JAK2: variants seen among roughly 807,000 people sequenced by gnomAD.
JAK2 encodes Janus kinase 2.
JAK2 carries 86 observed loss-of-function variants against 139.3 expected under a neutral mutation model. That is an observed-to-expected ratio of 0.62 (90% confidence interval 0.52 to 0.74). The LOEUF (loss-of-function observed/expected upper bound fraction) is 0.74. Among genes scored for constraint, JAK2 ranks in the 30% least tolerant of loss-of-function variants. The pLI is 0.00. For synonymous variants in JAK2, 490 were observed against 437.7 expected (o/e 1.12, Z -1.49); for missense variants, 1,421 against 1,360.3 (o/e 1.04, Z -0.70).
intron 3 of JAK2, among the ~76,000 whole-genome samples, chr9:5,025,496 T>A (rs553212982): frequency 6.6e-6 from 1 of 152,086 alleles, no homozygotes; most frequent in African/African-American, 2.4e-5. Flanking sequence ...TGCTCCTTCT[T>A]TCTTTTCTTC....
At chr9:5,051,025 C>A (rs1478282749) in intron 6 of JAK2, among the ~76,000 whole-genome samples, 194 bp downstream of exon 6, 2 of 152,130 alleles carry the variant, frequency 1.3e-5, no homozygotes, top group Non-Finnish European at 2.9e-5. Flanking sequence ...ATTGAACTTA[C>A]CAGTTGAGCA....
intron 22 of JAK2, among the ~76,000 whole-genome samples, chr9:5,093,716 A>T (rs1820760265): frequency 6.6e-6 from 1 of 152,190 alleles, no homozygotes; most frequent in Non-Finnish European, 1.5e-5. Flanking sequence ...TTTGATCAAC[A>T]GAACAAGTTA....
rs756419929 is a variant in JAK2, at chr9:5,126,293, A to G, written c.3178-40A>G. 7 of 1,414,762 alleles carry G rather than the reference A, an allele frequency of 4.9e-6. No individual in the cohort carries two copies. The African/African-American group carries it at 1.0e-4, about 20-fold the overall frequency. The allele number at this position is 1,414,762 out of a possible 1,614,324, so 87.6% of individuals were successfully genotyped here. On this transcript the variant is annotated intron_variant, in intron 23 of 24. Transcript: ENST00000381652. ...AAATTGAGAAAGAATTTTGCTACAAATTAAATGTACAAAAAATATTGAAAG... is the reference window on the plus strand; with the variant it reads ...AAATTGAGAAAGAATTTTGCTACAAGTTAAATGTACAAAAAATATTGAAAG...
intron 5 of JAK2, 35 bp from the exon 6 acceptor site, chr9:5,050,651 A>T (rs1817351924): frequency 6.3e-7 from 1 of 1,583,696 alleles, no homozygotes; most frequent in Admixed American, 1.7e-5. Flanking sequence ...AATGAAACTT[A>T]CGATGAGATA....
chr9:5,093,668 C>G (rs952131681), intron 22 of JAK2, among the ~76,000 whole-genome samples: 4 of 152,142 alleles, frequency 2.6e-5, no homozygotes, highest in African/African-American at 4.8e-5. Flanking sequence ...ACTAAGACCA[C>G]AGTAGTCTAA....
At chr9:5,055,472 T>A (rs892810491) in intron 7 of JAK2, among the ~76,000 whole-genome samples, 197 bp from the exon 8 acceptor site, 2 of 152,030 alleles carry the variant, frequency 1.3e-5, no homozygotes, top group African/African-American at 4.8e-5. Flanking sequence ...TTTAATGCCC[T>A]CATTTTTAAG....
At chr9:5,114,333 G>C in intron 22 of JAK2, 1 of 537,260 alleles carries the variant, frequency 1.9e-6, no homozygotes, top group Non-Finnish European at 3.7e-6. Context: ...TGTGGCTCAG[G>C]TCATCCTAAG....
intron 19 of JAK2, among the ~76,000 whole-genome samples, chr9:5,086,711 C>T (rs868261719): frequency 6.6e-6 from 1 of 152,156 alleles, no homozygotes; most frequent in Non-Finnish European, 1.5e-5. Context: ...CCTGAAATCT[C>T]CCTGTCTGAC....
chr9:5,053,822 C>T, intron 6 of JAK2, among the ~76,000 whole-genome samples: 1 of 151,800 alleles, frequency 6.6e-6, no homozygotes, highest in East Asian at 1.9e-4. Flanking sequence ...GAAAGGCTTC[C>T]TGGATTAGAT....
At chr9:5,103,694 G>A (rs1161009340) in intron 22 of JAK2, among the ~76,000 whole-genome samples, 2 of 152,028 alleles carry the variant, frequency 1.3e-5, no homozygotes, top group African/African-American at 2.4e-5. Context: ...AAACGTAAAA[G>A]AACAGATATC....
chr9:5,047,093 T>C (rs1407975476), intron 5 of JAK2, among the ~76,000 whole-genome samples: 2 of 152,206 alleles, frequency 1.3e-5, no homozygotes, highest in East Asian at 3.8e-4. Flanking sequence ...GTCTAGATAG[T>C]ACCACAAGCA....
intron 4 of JAK2, among the ~76,000 whole-genome samples, chr9:5,042,999 G>A (rs1195022981): frequency 6.6e-6 from 1 of 152,230 alleles, no homozygotes; most frequent in Non-Finnish European, 1.5e-5. Flanking sequence ...GGGTGGGCCG[G>A]CTGGCGTCGC....
intron 5 of JAK2, among the ~76,000 whole-genome samples, chr9:5,046,002 C>T (rs750941176): frequency 6.6e-6 from 1 of 152,078 alleles, no homozygotes; most frequent in African/African-American, 2.4e-5. Flanking sequence ...TCAGTCCTAC[C>T]AGCAGTGCAC....
chr9:5,075,240 A>T (rs1289272728), intron 14 of JAK2, among the ~76,000 whole-genome samples: 1 of 152,238 alleles, frequency 6.6e-6, no homozygotes, highest in East Asian at 1.9e-4. Context: ...ACAGCAAGTT[A>T]TCCAGAAGAT....
intron 4 of JAK2, among the ~76,000 whole-genome samples, chr9:5,035,168 C>G (rs1345304415): frequency 6.6e-6 from 1 of 152,124 alleles, no homozygotes; most frequent in Non-Finnish European, 1.5e-5. Flanking sequence ...ATACACCCTC[C>G]CAAGACTAAA....
At chr9:5,036,633 T>A (rs923329890) in intron 4 of JAK2, among the ~76,000 whole-genome samples, 1 of 152,208 alleles carries the variant, frequency 6.6e-6, no homozygotes, top group Non-Finnish European at 1.5e-5. Context: ...ATTTAATAAA[T>A]GGTGCTGGGA....
intron 4 of JAK2, among the ~76,000 whole-genome samples, chr9:5,032,498 G>A (rs1005859030): frequency 1.3e-5 from 2 of 152,242 alleles, no homozygotes; most frequent in African/African-American, 4.8e-5. Flanking sequence ...GCACCCCCAA[G>A]TAGGGGGAGA....
At chr9:5,107,342 G>T (rs1252177597) in intron 22 of JAK2, among the ~76,000 whole-genome samples, 1 of 152,100 alleles carries the variant, frequency 6.6e-6, no homozygotes, top group South Asian at 2.1e-4. Context: ...TATGAAGGCA[G>T]ATTTGACCCA....
At chr9:5,091,092 A>T (rs1820537945) in intron 22 of JAK2, 181 bp downstream of exon 22, 1 of 479,718 alleles carries the variant, frequency 2.1e-6, no homozygotes, top group African/African-American at 2.0e-5. Context: ...CACGTGGGAA[A>T]ATGGCATATG....
Sources: allele counts gnomAD v4.1 joint callset (sites outside exome capture counted in the v4.1 genomes callset), GRCh38; gene constraint gnomAD v4.1.1; transcripts MANE v1.5; gene names NCBI Gene and HGNC (gene_info 2026-07-23, HGNC 2026-07-21).